RPS6KC1: variants seen among roughly 807,000 people sequenced by gnomAD.
RPS6KC1 encodes the protein ribosomal protein S6 kinase C1.
Under a neutral mutation model 103.8 loss-of-function variants are expected in RPS6KC1, and 54 were observed. That is an observed-to-expected ratio of 0.52 (90% confidence interval 0.42 to 0.65). The LOEUF (loss-of-function observed/expected upper bound fraction) is 0.65, where lower values mean the gene tolerates loss of function less well. Ranked by LOEUF, RPS6KC1 falls within the 30% of genes least tolerant of loss-of-function variation. The pLI is 0.00. For missense variants in RPS6KC1, 1,151 were observed against 1,253.8 expected (o/e 0.92, Z 1.24); for synonymous variants, 439 against 438.7 (o/e 1.00, Z -0.01).
the RPS6KC1 span, among the ~76,000 whole-genome samples, chr1:213,589,941 GTGTGTGT>G: frequency 3.4e-4 from 26 of 75,408 alleles, no homozygotes; most frequent in African/African-American, 1.0e-3. Context: ...AGGTAGTGGT[GTGTGTGT>G]GTGTGTGTGT....
the RPS6KC1 span, among the ~76,000 whole-genome samples, chr1:213,318,738 C>T: frequency 3.9e-5 from 6 of 152,158 alleles, no homozygotes; most frequent in Non-Finnish European, 7.3e-5. Context: ...CATCAGATCT[C>T]GTGAGACTTA....
chr1:213,441,614 A>T, the RPS6KC1 span, among the ~76,000 whole-genome samples: 1 of 152,204 alleles, frequency 6.6e-6, no homozygotes, highest in Admixed American at 6.5e-5. Context: ...TGATTCCATA[A>T]CTTGGTTATT....
chr1:213,182,519 C>G (rs1331002417), intron 8 of RPS6KC1, among the ~76,000 whole-genome samples: 1 of 151,564 alleles, frequency 6.6e-6, no homozygotes, highest in African/African-American at 2.4e-5. Context: ...GTAGATAAAC[C>G]AAAATGGAAT....
the RPS6KC1 span, among the ~76,000 whole-genome samples, chr1:213,392,971 G>A: frequency 3.3e-5 from 5 of 152,248 alleles, no homozygotes; most frequent in Admixed American, 6.5e-5. Flanking sequence ...GAAATTCAAC[G>A]ACATCTGCTG....
At chr1:213,333,587 T>C in the RPS6KC1 span, among the ~76,000 whole-genome samples, 1 of 152,194 alleles carries the variant, frequency 6.6e-6, no homozygotes, top group South Asian at 2.1e-4. Flanking sequence ...CTCTTTCCTA[T>C]GTACCTGTGG....
chr1:213,420,774 C>T, the RPS6KC1 span, among the ~76,000 whole-genome samples: 72 of 152,242 alleles, frequency 4.7e-4, no homozygotes, highest in African/African-American at 1.7e-3. Context: ...GGGTAGTTTA[C>T]GGGTTTACTC....
the RPS6KC1 span, among the ~76,000 whole-genome samples, chr1:213,383,854 C>T: frequency 6.6e-6 from 1 of 152,044 alleles, no homozygotes; most frequent in African/African-American, 2.4e-5. Flanking sequence ...ACTGAGTCAA[C>T]TGGCACCTTG....
the RPS6KC1 span, among the ~76,000 whole-genome samples, chr1:213,693,876 A>T: frequency 6.6e-6 from 1 of 152,190 alleles, no homozygotes; most frequent in African/African-American, 2.4e-5. Context: ...AGTCAATTCC[A>T]TGGGGGCAAA....
chr1:213,587,692 A>G, the RPS6KC1 span, among the ~76,000 whole-genome samples: 1 of 152,250 alleles, frequency 6.6e-6, no homozygotes, highest in Non-Finnish European at 1.5e-5. Context: ...AAGGGGACCC[A>G]GGGAGCCTGA....
At chr1:213,102,446 A>AG (rs2082098778) in intron 3 of RPS6KC1, among the ~76,000 whole-genome samples, 1 of 152,194 alleles carries the variant, frequency 6.6e-6, no homozygotes. Context: ...GGGACAAAGA[A>AG]GAAAGGGAGA....
At chr1:213,300,520 T>G in the RPS6KC1 span, among the ~76,000 whole-genome samples, 2 of 152,242 alleles carry the variant, frequency 1.3e-5, no homozygotes. Flanking sequence ...GGTCTCTATA[T>G]TTCATGGCAG....
chr1:213,230,373 A>G (rs2094063611), intron 8 of RPS6KC1, 124 bp from the exon 9 acceptor site: 1 of 556,724 alleles, frequency 1.8e-6, no homozygotes. Flanking sequence ...ATTTATTCAG[A>G]AATGAACAAT....
chr1:213,565,703 CTTAT>C, the RPS6KC1 span, among the ~76,000 whole-genome samples: 4 of 152,100 alleles, frequency 2.6e-5, no homozygotes, highest in African/African-American at 9.7e-5. Context: ...CCAATGTACA[CTTAT>C]TATTTGTATA....
chr1:213,749,095 A>G, the RPS6KC1 span, among the ~76,000 whole-genome samples: 1 of 152,198 alleles, frequency 6.6e-6, no homozygotes, highest in African/African-American at 2.4e-5. Context: ...TAAGCCAGGA[A>G]TAAGTCCTTA....
chr1:213,640,104 T>C, the RPS6KC1 span, among the ~76,000 whole-genome samples: 3 of 152,090 alleles, frequency 2.0e-5, no homozygotes, highest in Non-Finnish European at 2.9e-5. Flanking sequence ...TCTACTGTTA[T>C]CTACTTCATC....
chr1:213,160,928 C>T (rs1418596450), intron 6 of RPS6KC1, among the ~76,000 whole-genome samples: 2 of 151,924 alleles, frequency 1.3e-5, no homozygotes, highest in Non-Finnish European at 2.9e-5. Context: ...AGCAAACCAA[C>T]ATGGCACATG....
chr1:213,155,792 G>A lies in RPS6KC1; in HGVS notation c.836-12066G>A, dbSNP rs1338925823. Among the ~76,000 whole-genome samples, 4 of 151,972 alleles carry A rather than the reference G, an allele frequency of 2.6e-5. No homozygotes were observed. In the East Asian group the frequency reaches 5.8e-4, roughly 22 times the overall value. ...CTGTGTAGATAGTTGTTAACTTGGT[G>A]TTCTTGTGGGCTTGGGGATGATTGG... is the stretch of plus-strand genomic sequence containing the variant. On this transcript the variant is annotated intron_variant, in intron 6 of 14. Transcript: ENST00000366960.
chr1:213,057,832 T>A (rs1156430876), intron 1 of RPS6KC1, among the ~76,000 whole-genome samples: 2 of 142,234 alleles, frequency 1.4e-5, no homozygotes, highest in Admixed American at 7.4e-5. Context: ...GGCGTGATCA[T>A]GGCTCACTGT....
chr1:213,163,517 G>A (rs528626814), intron 6 of RPS6KC1, among the ~76,000 whole-genome samples: 6 of 152,236 alleles, frequency 3.9e-5, no homozygotes, highest in Admixed American at 1.3e-4. Context: ...GTTTAAATTG[G>A]CTTGTTCTTC....
Sources: allele counts gnomAD v4.1 joint callset (sites outside exome capture counted in the v4.1 genomes callset), GRCh38; gene constraint gnomAD v4.1.1; transcripts MANE v1.5; gene names NCBI Gene and HGNC (gene_info 2026-07-23, HGNC 2026-07-21).